Variants in TSHZ1 observed in about 807,000 individuals in gnomAD.
TSHZ1 encodes teashirt zinc finger homeobox 1, also known as teashirt homolog 1.
In TSHZ1, 12 loss-of-function variants were observed where a neutral mutation model predicts 67.1. The ratio of observed to expected loss-of-function variants is 0.18; its 90% CI spans 0.11 to 0.29. The LOEUF (loss-of-function observed/expected upper bound fraction) is 0.29. Among genes scored for constraint, TSHZ1 ranks in the 10% least tolerant of loss-of-function variants. The probability of loss-of-function intolerance (pLI) is 1.00; values close to 1 mark genes in which losing one functional copy is unlikely to be tolerated. For synonymous variants in TSHZ1, 632 were observed against 622.4 expected (o/e 1.02, Z -0.23); for missense variants, 1,305 against 1,413.9 (o/e 0.92, Z 1.23).
chr18:75,282,583 C>A (rs1338882474), intron 1 of TSHZ1, among the ~76,000 whole-genome samples: 1 of 152,118 alleles, frequency 6.6e-6, no homozygotes, highest in Non-Finnish European at 1.5e-5. Context: ...ACAGAGGTGG[C>A]CTTAAAAGAA....
At chr18:75,233,508 T>C (rs1022221054) in intron 1 of TSHZ1, among the ~76,000 whole-genome samples, 1 of 152,228 alleles carries the variant, frequency 6.6e-6, no homozygotes, top group Non-Finnish European at 1.5e-5. Flanking sequence ...GTGTGTTGGG[T>C]GTGGATCACC....
chr18:75,211,039 T>G lies in TSHZ1; in HGVS notation c.-838T>G, dbSNP rs968668441. 1 of 152,070 alleles carries G rather than the reference T, an allele frequency of 6.6e-6. No individual in the cohort carries two copies. Among genetic ancestry groups the G allele is most frequent in the Admixed American group, 6.5e-5 (1 of 15,286 alleles). 9.4% of individuals were successfully genotyped at this position (152,070 alleles called of 1,614,324 possible). On this transcript the variant is annotated 5_prime_UTR_variant, in exon 1 of 2. Transcript: ENST00000580243. ...CTTTTTGTGTATTTTTCAAATTTTT[T>G]TCTGTTGGAAGATCAAGACCGGCCA...
At chr18:75,245,511 G>A (rs756258296) in intron 1 of TSHZ1, 9 of 152,206 alleles carry the variant, frequency 5.9e-5, no homozygotes, top group Non-Finnish European at 1.2e-4. Flanking sequence ...TCTCTTAAAA[G>A]GAAAAGGTCA....
intron 1 of TSHZ1, among the ~76,000 whole-genome samples, chr18:75,239,924 C>A (rs2023131969): frequency 6.6e-6 from 1 of 152,180 alleles, no homozygotes; most frequent in Non-Finnish European, 1.5e-5. Flanking sequence ...ATGCTTCCAC[C>A]ATTTCGAGAA....
chr18:75,217,211 G>A (rs2022781382), intron 1 of TSHZ1, among the ~76,000 whole-genome samples: 1 of 152,180 alleles, frequency 6.6e-6, no homozygotes, highest in African/African-American at 2.4e-5. Context: ...GATTAACAGT[G>A]TCATAAACAG....
At chr18:75,244,649 C>G (rs1467854674) in intron 1 of TSHZ1, 1 of 152,278 alleles carries the variant, frequency 6.6e-6, no homozygotes, top group African/African-American at 2.4e-5. Flanking sequence ...GGTCGTTGCT[C>G]TGCCAATCTT....
intron 1 of TSHZ1, among the ~76,000 whole-genome samples, chr18:75,242,889 T>C (rs1286028117): frequency 6.6e-6 from 1 of 152,260 alleles, no homozygotes; most frequent in Non-Finnish European, 1.5e-5. Flanking sequence ...TGAAATTCTT[T>C]GCTTTCCAAT....
intron 1 of TSHZ1, among the ~76,000 whole-genome samples, chr18:75,264,753 T>C (rs966357642): frequency 6.6e-6 from 1 of 152,206 alleles, no homozygotes; most frequent in Non-Finnish European, 1.5e-5. Flanking sequence ...AGGGTATGCA[T>C]ACTTAAATGT....
In TSHZ1 at chr18:75,289,452, T is replaced by G. The variant is rs557304478; in HGVS notation, c.*811T>G. The G allele has an allele frequency of 6.0e-6, 1 of 167,076 alleles. No homozygotes were observed. Among genetic ancestry groups the G allele is most frequent in the Non-Finnish European group, 1.5e-5 (1 of 68,122 alleles). The allele number at this position is 167,076 out of a possible 1,614,324, so 10.3% of individuals were successfully genotyped here. On this transcript the variant is annotated 3_prime_UTR_variant, in exon 2 of 2. Transcript: ENST00000580243. The stretch of plus-strand genomic sequence containing the variant: ...TTTATAGTTATTTACAAATGTAAGC[T>G]TTGGTACAAGCTGACCTTTCTATAG...
chr18:75,220,414 C>T (rs2022831690), intron 1 of TSHZ1, among the ~76,000 whole-genome samples: 1 of 152,146 alleles, frequency 6.6e-6, no homozygotes, highest in Non-Finnish European at 1.5e-5. Context: ...AAACAGGCCT[C>T]CTGTTACCAT....
At chr18:75,285,261 C>T (rs1402623166) in intron 1 of TSHZ1, 187 bp from the exon 2 acceptor site, 2 of 546,026 alleles carry the variant, frequency 3.7e-6, no homozygotes, top group East Asian at 3.3e-5. Context: ...TAAAGACACA[C>T]TCAGGAGGGG....
At chr18:75,247,454 G>C (rs1023426857) in intron 1 of TSHZ1, among the ~76,000 whole-genome samples, 6 of 152,192 alleles carry the variant, frequency 3.9e-5, no homozygotes, top group Admixed American at 3.9e-4. Context: ...AAATGTAATG[G>C]CCTTTATGAC....
intron 1 of TSHZ1, among the ~76,000 whole-genome samples, chr18:75,263,170 C>CT (rs1280018661): frequency 3.3e-5 from 5 of 152,012 alleles, no homozygotes; most frequent in Non-Finnish European, 5.9e-5. Context: ...GTGGTCATAT[C>CT]TTTTTTTAAA....
chr18:75,276,101 C>T (rs1237973831), intron 1 of TSHZ1, among the ~76,000 whole-genome samples: 1 of 152,156 alleles, frequency 6.6e-6, no homozygotes, highest in Non-Finnish European at 1.5e-5. Flanking sequence ...TTGGGAACAG[C>T]AAGAGGGTCT....
At chr18:75,262,718 C>T (rs534603220) in intron 1 of TSHZ1, among the ~76,000 whole-genome samples, 1 of 152,290 alleles carries the variant, frequency 6.6e-6, no homozygotes, top group Admixed American at 6.5e-5. Flanking sequence ...GGTGGCCATG[C>T]CTCCCCTTAT....
chr18:75,228,334 T>G (rs2022952407), intron 1 of TSHZ1, among the ~76,000 whole-genome samples: 1 of 152,148 alleles, frequency 6.6e-6, no homozygotes, highest in Non-Finnish European at 1.5e-5. Flanking sequence ...GCCATAGACA[T>G]GTACATTAAA....
intron 1 of TSHZ1, among the ~76,000 whole-genome samples, chr18:75,248,893 A>G (rs1440437016): frequency 6.6e-6 from 1 of 152,192 alleles, no homozygotes; most frequent in Non-Finnish European, 1.5e-5. Context: ...AAGGATTTAG[A>G]AGCTGGTGTG....
intron 1 of TSHZ1, among the ~76,000 whole-genome samples, chr18:75,279,324 A>G (rs1202373248): frequency 6.6e-6 from 1 of 152,232 alleles, no homozygotes; most frequent in African/African-American, 2.4e-5. Context: ...GAATAGTAAA[A>G]TAGCTGAAAA....
chr18:75,241,455 G>T (rs748384064), intron 1 of TSHZ1, among the ~76,000 whole-genome samples: 2 of 152,098 alleles, frequency 1.3e-5, no homozygotes, highest in African/African-American at 2.4e-5. Context: ...CTCCCCCTCC[G>T]CATAAGGAGT....
Sources: gnomAD v4.1 joint callset for allele counts (sites outside exome capture counted in the v4.1 genomes callset) on GRCh38, gnomAD v4.1.1 for gene constraint, MANE v1.5 for transcripts, NCBI Gene and HGNC (gene_info 2026-07-23, HGNC 2026-07-21) for gene names.